Variants in OTOGL observed in about 807,000 individuals in gnomAD.
OTOGL encodes otogelin like.
In OTOGL, 285 loss-of-function variants were observed where a neutral mutation model predicts 318.5. That is an observed-to-expected ratio of 0.89 (90% CI 0.81 to 0.99). OTOGL has a LOEUF of 0.99. Ranked by LOEUF, OTOGL falls within the 50% of genes least tolerant of loss-of-function variation. The pLI is 0.00. For synonymous variants in OTOGL, 987 were observed against 936.5 expected, an observed-to-expected ratio of 1.05 and a Z score of -0.99; for missense variants, 2,899 against 2,845.6, an observed-to-expected ratio of 1.02 and a Z score of -0.43.
At chr12:80,173,566 C>T (rs11114344) in intron 1 of OTOGL, among the ~76,000 whole-genome samples, 1 of 152,270 alleles carries the variant, frequency 6.6e-6, no homozygotes, top group East Asian at 1.9e-4. Context: ...AGGTTCTTTA[C>T]CTCATGCTGT....
In OTOGL at chr12:80,370,486, T is replaced by A. The variant is rs907822754; in HGVS notation, c.6616-84T>A. 9.1e-6 allele frequency: 11 copies of A among 1,205,166 alleles called. No individual in the cohort carries two copies. The African/African-American group carries it at 1.8e-4, about 19-fold the overall frequency. The allele number at this position is 1,205,166 out of a possible 1,614,324, so 74.7% of individuals were successfully genotyped here. Reference sequence around the variant, plus strand: ...AGAAGCCTTTGCATCTTGATTTGACTTTTTATTCAATAGAATAATATTGTA... The same window carrying A: ...AGAAGCCTTTGCATCTTGATTTGACATTTTATTCAATAGAATAATATTGTA... On this transcript the variant is annotated intron_variant, in intron 55 of 58. Transcript: ENST00000547103.
intron 26 of OTOGL, among the ~76,000 whole-genome samples, chr12:80,290,734 C>T (rs1215649276): frequency 1.3e-5 from 2 of 152,148 alleles, no homozygotes; most frequent in Non-Finnish European, 2.9e-5. Flanking sequence ...TTCAGCATCT[C>T]TACAAATATT....
At chr12:80,156,807 G>T (rs1471999799) in intron 1 of OTOGL, among the ~76,000 whole-genome samples, 1 of 151,958 alleles carries the variant, frequency 6.6e-6, no homozygotes, top group African/African-American at 2.4e-5. Context: ...CCCAGTCTTG[G>T]GTATGTCTTT....
chr12:80,364,828 C>G (rs1415905877), intron 52 of OTOGL, among the ~76,000 whole-genome samples: 1 of 152,010 alleles, frequency 6.6e-6, no homozygotes, highest in Non-Finnish European at 1.5e-5. Flanking sequence ...GGATATTTAT[C>G]TTGGACATTT....
At chr12:80,157,009 C>T (rs984550353) in intron 1 of OTOGL, among the ~76,000 whole-genome samples, 1 of 152,116 alleles carries the variant, frequency 6.6e-6, no homozygotes, top group Non-Finnish European at 1.5e-5. Context: ...TTTCAAGGAA[C>T]CTCCAAACTG....
chr12:80,244,149 A>G (rs1880643160), intron 11 of OTOGL, among the ~76,000 whole-genome samples: 1 of 150,652 alleles, frequency 6.6e-6, no homozygotes, highest in South Asian at 2.1e-4. Context: ...AAGAAGGACG[A>G]AAGTCCTATT....
intron 1 of OTOGL, among the ~76,000 whole-genome samples, chr12:80,104,731 T>C (rs71463853): frequency 0.036 from 5,451 of 152,194 alleles, 112 homozygotes; most frequent in South Asian, 0.089. Context: ...TTAGTAAGGA[T>C]TGTGTATCAT....
At chr12:80,226,596 T>A (rs113595106) in intron 7 of OTOGL, among the ~76,000 whole-genome samples, 3,357 of 152,176 alleles carry the variant, frequency 0.022, 128 homozygotes, top group African/African-American at 0.076. Context: ...ATCACTTGGG[T>A]TTTCTTTTTG....
At chr12:80,359,960 G>A (rs1363333288) in intron 52 of OTOGL, among the ~76,000 whole-genome samples, 5 of 152,172 alleles carry the variant, frequency 3.3e-5, no homozygotes, top group African/African-American at 1.2e-4. Context: ...TATTGGCTAA[G>A]CTTTTCAGGG....
rs770917728 is a variant in OTOGL, at chr12:80,279,091, C to T, written c.2853C>T (p.Tyr951=). The T allele has an allele frequency of 2.9e-5, 44 of 1,528,270 alleles. No individual in the cohort carries two copies. The highest frequency in any genetic ancestry group is 4.4e-5 in the South Asian group (4 of 90,018). The allele number at this position is 1,528,270 out of a possible 1,614,324, so 94.7% of individuals were successfully genotyped here. The change falls in exon 26 of 59, where the codon TAC becomes TAT. Residue 951 remains tyrosine, a synonymous_variant. Transcript: ENST00000547103. ...YYPCPAVCTI[Y]GDRHYYSFDG... ...CATGCCCAGCAGTGTGCACAATATA[C>T]GGGGACCGACATTATTATTCTTTTG...
chr12:80,279,129 A>T lies in OTOGL; in HGVS notation c.2891A>T (p.Tyr964Phe). 3 of 1,594,950 alleles carry T rather than the reference A, an allele frequency of 1.9e-6. No individual in the cohort carries two copies. Among genetic ancestry groups the T allele is most frequent in the Non-Finnish European group, 2.5e-6 (3 of 1,176,592 alleles). Residue 964 changes from tyrosine to phenylalanine, a missense_variant, in exon 26 of 59, where the codon TAT (tyrosine) becomes TTT (phenylalanine). This residue lies in a region of OTOGL where 2,607 missense variants were observed against 2,524.9 expected (regional missense o/e 1.03). Transcript: ENST00000547103. Reference sequence around the variant, plus strand: ...TATTATTCTTTTGATGGACTAGAATATGACTATATCAGTGATTGCCAGGTG... The same window carrying T: ...TATTATTCTTTTGATGGACTAGAATTTGACTATATCAGTGATTGCCAGGTG... Reference protein sequence around the residue: ...RHYYSFDGLEYDYISDCQVFL... With the variant: ...RHYYSFDGLEFDYISDCQVFL...
In OTOGL at chr12:80,318,574, A is replaced by G; in HGVS notation, c.3663A>G (p.Ala1221=). The G allele has an allele frequency of 7.2e-7, 1 of 1,385,264 alleles. No individual in the cohort carries two copies. The highest frequency in any genetic ancestry group is 9.4e-7 in the Non-Finnish European group (1 of 1,067,610). 85.8% of individuals were successfully genotyped at this position (1,385,264 alleles called of 1,614,324 possible). A position where few individuals can be genotyped will look rare whatever the true frequency, so the allele number is the denominator to read the frequency against. ...EGLGEGPYML[A]SYGQSGLVLG... is the part of the protein sequence containing the mutation. ...TTGGAGAAGGACCATATATGCTGGC[A>G]AGCTATGGGCAGAGTGGCCTTGTTC... Residue 1221 remains alanine (A), a synonymous_variant, in exon 33 of 59, where the codon GCA becomes GCG. Transcript: ENST00000547103.
At chr12:80,322,138 C>T (rs1887376672) in intron 34 of OTOGL, among the ~76,000 whole-genome samples, 1 of 152,136 alleles carries the variant, frequency 6.6e-6, no homozygotes, top group Admixed American at 6.5e-5. Flanking sequence ...TTGAGATCTG[C>T]AAGTGGGAGA....
At chr12:80,147,516 A>T (rs529649566) in intron 1 of OTOGL, among the ~76,000 whole-genome samples, 1 of 151,460 alleles carries the variant, frequency 6.6e-6, no homozygotes, top group African/African-American at 2.4e-5. Context: ...TGGTGCTGAA[A>T]AAAATGTATA....
chr12:80,310,402 C>T lies in OTOGL; in HGVS notation c.3334-209C>T, dbSNP rs186406657. Among the ~76,000 whole-genome samples, 287 of 152,242 alleles carry T rather than the reference C, an allele frequency of 1.9e-3. 2 individuals carry two copies. The highest frequency in any genetic ancestry group is 6.4e-3 in the African/African-American group (264 of 41,554). ...CATCACCACTCTATCTCTAATATTG[C>T]TATGATTTTAATATTCTGTTTAGTT... is the stretch of plus-strand genomic sequence containing the variant. On this transcript the variant is annotated intron_variant, in intron 29 of 58. Transcript: ENST00000547103.
At chr12:80,191,793 C>G (rs1875715066) in intron 1 of OTOGL, among the ~76,000 whole-genome samples, 1 of 152,288 alleles carries the variant, frequency 6.6e-6, no homozygotes, top group Non-Finnish European at 1.5e-5. Flanking sequence ...TGCTCACTAG[C>G]TCTCTGACTT....
At chr12:80,256,585 T>C in intron 17 of OTOGL, 125 bp downstream of exon 17, 2 of 1,343,400 alleles carry the variant, frequency 1.5e-6, no homozygotes, top group East Asian at 2.6e-5. Flanking sequence ...ATTTATAGAG[T>C]TTGTATGTGT....
At chr12:80,153,644 A>G (rs1168775904) in intron 1 of OTOGL, among the ~76,000 whole-genome samples, 1 of 152,178 alleles carries the variant, frequency 6.6e-6, no homozygotes, top group South Asian at 2.1e-4. Flanking sequence ...ATATATTTTC[A>G]CCATTGTAGT....
At chr12:80,364,274 G>A (rs903570933) in intron 52 of OTOGL, among the ~76,000 whole-genome samples, 1 of 152,070 alleles carries the variant, frequency 6.6e-6, no homozygotes, top group Non-Finnish European at 1.5e-5. Context: ...TACTCACTCT[G>A]AATAGTGGCT....
Sources: gnomAD v4.1 joint callset for allele counts (sites outside exome capture counted in the v4.1 genomes callset) on GRCh38, gnomAD v4.1.1 for gene constraint, gnomAD v4.1.1 regional missense constraint, MANE v1.5 for transcripts, NCBI Gene and HGNC (gene_info 2026-07-23, HGNC 2026-07-21) for gene names.